Variants in SEMA3E observed in about 807,000 individuals in gnomAD.
SEMA3E encodes the protein semaphorin-3E.
A neutral mutation model predicts 93.6 loss-of-function variants in SEMA3E; 49 were observed. That is an observed-to-expected ratio of 0.52 (90% CI 0.42 to 0.66). SEMA3E has a LOEUF of 0.66. Among genes scored for constraint, SEMA3E ranks in the 30% least tolerant of loss-of-function variants. The probability of loss-of-function intolerance (pLI) is 0.00; values close to 1 mark genes in which losing one functional copy is unlikely to be tolerated. For synonymous variants in SEMA3E, 363 were observed against 330.7 expected, an observed-to-expected ratio of 1.10 and a Z score of -1.06; for missense variants, 906 against 964.8, an observed-to-expected ratio of 0.94 and a Z score of 0.81.
At chr7:83,486,412 G>A (rs189404499) in intron 2 of SEMA3E, among the ~76,000 whole-genome samples, 3 of 152,048 alleles carry the variant, frequency 2.0e-5, no homozygotes, top group Non-Finnish European at 2.9e-5. Flanking sequence ...AAAGCACAAC[G>A]GGAGAGATTT....
At chr7:83,466,988 T>C (rs1284244613) in intron 3 of SEMA3E, among the ~76,000 whole-genome samples, 1 of 151,580 alleles carries the variant, frequency 6.6e-6, no homozygotes, top group Non-Finnish European at 1.5e-5. Flanking sequence ...GTATAAACAA[T>C]GAATCAGCAT....
At chr7:83,636,859 A>G (rs745480717) in intron 1 of SEMA3E, among the ~76,000 whole-genome samples, 2 of 152,130 alleles carry the variant, frequency 1.3e-5, no homozygotes, top group Non-Finnish European at 2.9e-5. Flanking sequence ...CCTCCTGTTC[A>G]TGTTCAAGAC....
At chr7:83,643,111 A>C (rs1400083874) in intron 1 of SEMA3E, among the ~76,000 whole-genome samples, 1 of 152,050 alleles carries the variant, frequency 6.6e-6, no homozygotes, top group Non-Finnish European at 1.5e-5. Context: ...AGTAACAACC[A>C]ATTTCATGGT....
intron 11 of SEMA3E, among the ~76,000 whole-genome samples, chr7:83,397,084 A>T (rs1584219329): frequency 6.7e-6 from 1 of 150,258 alleles, no homozygotes; most frequent in Non-Finnish European, 1.5e-5. Flanking sequence ...CATCTAAGAA[A>T]AAAAAAAAAA....
Position 83,396,688 on chromosome 7 carries a change from C to T in SEMA3E, c.1408G>A (p.Glu470Lys). The T allele has an allele frequency of 6.2e-7, 1 of 1,608,666 alleles. No individual in the cohort carries two copies. Among genetic ancestry groups the T allele is most frequent in the Non-Finnish European group, 8.5e-7 (1 of 1,176,458 alleles). Residue 470 changes from glutamate (E) to lysine (K), a missense_variant, in exon 12 of 17, where the codon GAA becomes AAA. Glu to Lys is a moderately conservative substitution (Grantham distance 56, BLOSUM62 1). Coordinates refer to ENST00000643230, the MANE Select transcript of SEMA3E (RefSeq NM_012431.3). ...VLKVITIYNQ[E>K]MESMEEVILE... ...ATTACTTCTTCCATTGATTCCATTT[C>T]TTGGTTGTAAATTGTGATTACTTTC... is the stretch of plus-strand genomic sequence containing the variant.
intron 2 of SEMA3E, among the ~76,000 whole-genome samples, chr7:83,487,385 C>A (rs911819155): frequency 5.3e-5 from 8 of 152,028 alleles, no homozygotes; most frequent in Non-Finnish European, 7.4e-5. Flanking sequence ...ACTAATTCTT[C>A]AATGAAAAGG....
At chr7:83,427,608 A>G (rs1484283757) in intron 4 of SEMA3E, among the ~76,000 whole-genome samples, 1 of 152,220 alleles carries the variant, frequency 6.6e-6, no homozygotes, top group East Asian at 1.9e-4. Flanking sequence ...AATATTAGCT[A>G]TATATTCCAG....
At chr7:83,378,589 G>T (rs1298956757) in intron 16 of SEMA3E, among the ~76,000 whole-genome samples, 1 of 151,856 alleles carries the variant, frequency 6.6e-6, no homozygotes, top group Non-Finnish European at 1.5e-5. Context: ...TAGATGAATC[G>T]TGCCTTAACA....
At chr7:83,639,136 A>AAAAAAAAAAAAAAAAAAAAAC (rs1562866057) in intron 1 of SEMA3E, among the ~76,000 whole-genome samples, 1 of 132,066 alleles carries the variant, frequency 7.6e-6, no homozygotes, top group African/African-American at 2.8e-5. Context: ...AAAAAAAAAA[A>AAAAAAAAAAAAAAAAAAAAAC]AAAACAGAGA....
rs191308946 is a variant in SEMA3E at position 83,643,982 on chromosome 7, G to C, written c.115+4446C>G. Among the ~76,000 whole-genome samples, 489 of 151,996 alleles carry C rather than the reference G, an allele frequency of 3.2e-3. 1 individual carries two copies. Among genetic ancestry groups the C allele is most frequent in the Non-Finnish European group, 5.9e-3 (402 of 67,844 alleles). ...GGATGAGGAACCAAAGCTATGAGCT[G>C]GGTCAGGAAAAACTGGCTCAGTCAC... On this transcript the variant is annotated intron_variant, in intron 1 of 16. Coordinates refer to ENST00000643230, the MANE Select transcript of SEMA3E (RefSeq NM_012431.3).
chr7:83,554,247 T>G (rs1188207335), intron 1 of SEMA3E, among the ~76,000 whole-genome samples: 1 of 152,188 alleles, frequency 6.6e-6, no homozygotes, highest in Non-Finnish European at 1.5e-5. Context: ...GATTTTCTAT[T>G]TAAAAATTGG....
At chr7:83,399,875 G>A (rs1255077361) in intron 11 of SEMA3E, among the ~76,000 whole-genome samples, 153 bp downstream of exon 11, 1 of 152,072 alleles carries the variant, frequency 6.6e-6, no homozygotes, top group East Asian at 1.9e-4. Flanking sequence ...GCCACATGAG[G>A]TCTCTATTTC....
intron 16 of SEMA3E, chr7:83,372,075 T>C (rs1794756288): frequency 2.6e-6 from 1 of 389,388 alleles, no homozygotes; most frequent in Non-Finnish European, 4.5e-6. Flanking sequence ...ATTCAGAAGA[T>C]AGTGTAAAAT....
intron 1 of SEMA3E, among the ~76,000 whole-genome samples, chr7:83,627,628 C>CTTTTTTTTTTTTTT (rs746550123): frequency 1.7e-4 from 11 of 65,346 alleles, no homozygotes; most frequent in African/African-American, 4.2e-4. Flanking sequence ...GCAACCCCTG[C>CTTTTTTTTTTTTTT]TTTTTTTTTT....
chr7:83,579,633 G>A (rs1468157745), intron 1 of SEMA3E, among the ~76,000 whole-genome samples: 1 of 152,094 alleles, frequency 6.6e-6, no homozygotes, highest in Admixed American at 6.6e-5. Flanking sequence ...AATGCAAAAT[G>A]GCTTGTACCA....
intron 1 of SEMA3E, among the ~76,000 whole-genome samples, chr7:83,500,227 G>A (rs1275097350): frequency 1.3e-5 from 2 of 152,136 alleles, no homozygotes; most frequent in African/African-American, 4.8e-5. Flanking sequence ...CACAAGGTCA[G>A]GAGTTCAAGA....
chr7:83,439,637 C>T (rs1191368397), intron 4 of SEMA3E, among the ~76,000 whole-genome samples: 3 of 152,134 alleles, frequency 2.0e-5, no homozygotes, highest in Non-Finnish European at 2.9e-5. Flanking sequence ...ACAGTCTAAC[C>T]TGTTCTAATC....
chr7:83,509,190 C>T (rs1369977823), intron 1 of SEMA3E, among the ~76,000 whole-genome samples: 1 of 152,082 alleles, frequency 6.6e-6, no homozygotes. Context: ...TTTGTCTTAA[C>T]ACTTGAACTA....
At chr7:83,621,874 A>T (rs1397696734) in intron 1 of SEMA3E, among the ~76,000 whole-genome samples, 4 of 152,378 alleles carry the variant, frequency 2.6e-5, no homozygotes, top group Middle Eastern at 3.4e-3. Context: ...TGTAAAACCC[A>T]TAACTATAAA....
Sources: allele counts gnomAD v4.1 joint callset (sites outside exome capture counted in the v4.1 genomes callset), GRCh38; gene constraint gnomAD v4.1.1; transcripts MANE v1.5; gene names NCBI Gene and HGNC (gene_info 2026-07-23, HGNC 2026-07-21).